Variants in KALRN observed in about 807,000 individuals in gnomAD.
KALRN encodes kalirin RhoGEF kinase.
In KALRN, 70 loss-of-function variants were observed where a neutral mutation model predicts 353.7. The ratio of observed to expected loss-of-function variants is 0.20; its 90% CI spans 0.16 to 0.24. The LOEUF is 0.24. KALRN is among the 10% of genes least tolerant of loss of function. KALRN has a pLI of 1.00. For missense variants in KALRN, 2,791 were observed against 3,756.7 expected, an observed-to-expected ratio of 0.74 and a Z score of 6.72; for synonymous variants, 1,391 against 1,434.8, an observed-to-expected ratio of 0.97 and a Z score of 0.69.
rs996749326 is a variant in KALRN, at chr3:124,033,604, C to T, written c.-137C>T. ...TGCCCCAGCCCCGCCGCCCAACGCC[C>T]GCCCTCGAAGCTCCGCGGCCGCCAG... On this transcript the variant is annotated 5_prime_UTR_variant, in exon 1 of 60. Transcript: ENST00000682506. This position sits in a 1 kb window ranked among gnomAD's most constrained non-coding sequence, Gnocchi z 6.2. Among the ~76,000 whole-genome samples, 1 of 151,624 alleles carries T rather than the reference C, an allele frequency of 6.6e-6. No homozygotes were observed. Among genetic ancestry groups the T allele is most frequent in the Non-Finnish European group, 1.5e-5 (1 of 67,862 alleles).
intron 34 of KALRN, among the ~76,000 whole-genome samples, chr3:124,588,385 C>G (rs2075422538): frequency 6.6e-6 from 1 of 152,092 alleles, no homozygotes; most frequent in African/African-American, 2.4e-5. Flanking sequence ...TCAAGGAGCC[C>G]AGAGATTTTT....
At chr3:124,482,000 C>T (rs2062038700) in intron 27 of KALRN, among the ~76,000 whole-genome samples, 1 of 152,128 alleles carries the variant, frequency 6.6e-6, no homozygotes, top group South Asian at 2.1e-4. Flanking sequence ...CTTAGAACCC[C>T]TAGACTTTGG....
In KALRN at chr3:124,585,035, A is replaced by C. The variant is rs1044248483; in HGVS notation, c.5182+21946A>C. On this transcript the variant is annotated intron_variant, in intron 34 of 59. Coordinates refer to ENST00000682506, the MANE Select transcript of KALRN (RefSeq NM_001388419.1). ...TAGGCGGATGGGGCTGGGGATCAGGAGGGCGGCGAAGTGAGAGAGTTTGCT... is the reference window on the plus strand; with the variant it reads ...TAGGCGGATGGGGCTGGGGATCAGGCGGGCGGCGAAGTGAGAGAGTTTGCT... The C allele has an allele frequency of 5.3e-6, 6 of 1,131,916 alleles. No individual in the cohort carries two copies. The Admixed American group carries it at 8.9e-5, about 17-fold the overall frequency. 70.1% of individuals were successfully genotyped at this position (1,131,916 alleles called of 1,614,324 possible).
chr3:124,186,129 CA>C (rs2074200343), intron 1 of KALRN, among the ~76,000 whole-genome samples: 3 of 152,172 alleles, frequency 2.0e-5, no homozygotes, highest in African/African-American at 7.2e-5. Flanking sequence ...GGAGTATCTT[CA>C]TAAGACCTTG....
intron 14 of KALRN, among the ~76,000 whole-genome samples, chr3:124,415,410 T>C (rs935847760): frequency 3.9e-5 from 6 of 152,226 alleles, no homozygotes; most frequent in African/African-American, 1.4e-4. Flanking sequence ...TTTCAAAATG[T>C]GATCCCCATG....
intron 1 of KALRN, among the ~76,000 whole-genome samples, chr3:124,056,931 C>T (rs139045961): frequency 3.9e-4 from 60 of 152,324 alleles, no homozygotes; most frequent in African/African-American, 1.3e-3. Context: ...CTCTCTTAGT[C>T]TATAAAGAGG....
intron 49 of KALRN, chr3:124,677,297 G>T: frequency 4.7e-6 from 1 of 212,964 alleles, no homozygotes; most frequent in Non-Finnish European, 9.3e-6. Flanking sequence ...CACTGATGCT[G>T]TTTGTGACTT....
At chr3:124,302,826 T>C (rs1200594827) in intron 6 of KALRN, among the ~76,000 whole-genome samples, 1 of 116,736 alleles carries the variant, frequency 8.6e-6, no homozygotes, top group East Asian at 2.9e-4. Flanking sequence ...CGTGGCCTTT[T>C]CTCTGTGAGC....
intron 28 of KALRN, among the ~76,000 whole-genome samples, chr3:124,485,874 T>A (rs1218070939): frequency 6.6e-6 from 1 of 152,136 alleles, no homozygotes; most frequent in Non-Finnish European, 1.5e-5. Flanking sequence ...AGCGAGACTC[T>A]GTCTCAAAAA....
At chr3:124,582,893 C>A (rs2149272654) in intron 34 of KALRN, among the ~76,000 whole-genome samples, 1 of 152,222 alleles carries the variant, frequency 6.6e-6, no homozygotes, top group Admixed American at 6.5e-5. Context: ...CCTCAGCCTG[C>A]CAAGTAACTG....
intron 34 of KALRN, among the ~76,000 whole-genome samples, chr3:124,625,299 C>G (rs1409991971): frequency 6.6e-6 from 1 of 152,174 alleles, no homozygotes; most frequent in Non-Finnish European, 1.5e-5. Context: ...AGAGTAAAAG[C>G]AGTGCTGTTC....
intron 1 of KALRN, among the ~76,000 whole-genome samples, chr3:124,186,927 G>A (rs1364141548): frequency 2.0e-5 from 3 of 152,148 alleles, no homozygotes. Flanking sequence ...GGTAGAAGAT[G>A]GGAATGATGC....
At chr3:124,281,696 G>C (rs1361388513) in intron 5 of KALRN, among the ~76,000 whole-genome samples, 1 of 152,072 alleles carries the variant, frequency 6.6e-6, no homozygotes, top group African/African-American at 2.4e-5. Context: ...CCCTCAAATT[G>C]TCCCTGTTCC....
chr3:124,523,711 G>A (rs1411532918), intron 33 of KALRN, among the ~76,000 whole-genome samples: 2 of 152,130 alleles, frequency 1.3e-5, no homozygotes, highest in African/African-American at 2.4e-5. Flanking sequence ...CACAAAAAAT[G>A]GAAATGAAGC....
chr3:124,148,631 T>A (rs900220409), intron 1 of KALRN, among the ~76,000 whole-genome samples: 10 of 152,108 alleles, frequency 6.6e-5, no homozygotes, highest in Non-Finnish European at 1.3e-4. Flanking sequence ...GTCATGTTAA[T>A]CAATTATTGA....
At chr3:124,047,762 C>T (rs1349797735) in intron 1 of KALRN, among the ~76,000 whole-genome samples, 3 of 151,830 alleles carry the variant, frequency 2.0e-5, no homozygotes, top group Admixed American at 6.6e-5. Flanking sequence ...CTTGGCCTCC[C>T]GAAGTGCTGG....
chr3:124,651,886 T>C (rs333308), intron 38 of KALRN, among the ~76,000 whole-genome samples: 100,942 of 151,966 alleles, frequency 0.66, 34,650 homozygotes, highest in East Asian at 0.91. Flanking sequence ...AATCCTCCTG[T>C]CTCAGCCTCC....
rs1173155139 is a variant in KALRN, at chr3:124,697,605, C to T, written c.7712C>T (p.Ala2571Val). Residue 2571 changes from alanine (A) to valine (V), a missense_variant, in exon 55 of 60, where the codon GCC becomes GTC. Physicochemically the swap from Ala to Val is moderately conservative, Grantham distance 64 (BLOSUM62 0). Around this residue, in one of 11 missense-constraint regions of KALRN, gnomAD observed 1,065 missense variants for 1,156.4 expected, o/e 0.92. Coordinates refer to ENST00000682506, the MANE Select transcript of KALRN (RefSeq NM_001388419.1). ...ATVKVQGVPA[A>V]PNRPIAQERS... ...TCTGTCTCCATAGGTGTTCCAGCAG[C>T]CCCTAACCGCCCCATTGCCCAGGAG... The T allele has an allele frequency of 6.2e-7, 1 of 1,606,372 alleles. No homozygotes were observed. The highest frequency in any genetic ancestry group is 8.5e-7 in the Non-Finnish European group (1 of 1,177,768).
chr3:124,636,157 C>T (rs993156845), intron 36 of KALRN, among the ~76,000 whole-genome samples: 6 of 152,150 alleles, frequency 3.9e-5, no homozygotes, highest in African/African-American at 7.2e-5. Flanking sequence ...AATAAAGTAA[C>T]TTAGATTAGA....
Sources: allele counts gnomAD v4.1 joint callset (sites outside exome capture counted in the v4.1 genomes callset), GRCh38; gene constraint gnomAD v4.1.1; regional missense constraint gnomAD v4.1.1; non-coding constraint Gnocchi (gnomAD v3.1); transcripts MANE v1.5; gene names NCBI Gene and HGNC (gene_info 2026-07-23, HGNC 2026-07-21).